Variants in GALNTL6 observed in about 807,000 individuals in gnomAD.
GALNTL6 encodes the protein polypeptide N-acetylgalactosaminyltransferase like 6, also known as polypeptide N-acetylgalactosaminyltransferase-like 6.
A neutral mutation model predicts 73.7 loss-of-function variants in GALNTL6; 46 were observed. The observed-to-expected ratio is 0.62, with a 90% CI of 0.49 to 0.80. The LOEUF is 0.80. Among genes scored for constraint, GALNTL6 ranks in the 30% least tolerant of loss-of-function variants. The pLI is 0.00. For synonymous variants in GALNTL6, 259 were observed against 263.7 expected, an observed-to-expected ratio of 0.98 and a Z score of 0.17; for missense variants, 604 against 755.0, an observed-to-expected ratio of 0.80 and a Z score of 2.34.
chr4:172,978,803 A>G (rs781624330), intron 10 of GALNTL6, among the ~76,000 whole-genome samples: 33 of 152,228 alleles, frequency 2.2e-4, no homozygotes, highest in Non-Finnish European at 4.3e-4. Flanking sequence ...ATAAACAGAA[A>G]ATGATCACTG....
intron 5 of GALNTL6, among the ~76,000 whole-genome samples, chr4:172,764,619 A>T (rs1738301111): frequency 6.6e-6 from 1 of 152,194 alleles, no homozygotes; most frequent in Non-Finnish European, 1.5e-5. Context: ...CAGTAAAATG[A>T]ATAAATGCTC....
chr4:172,449,273 T>C (rs187366041), intron 5 of GALNTL6, among the ~76,000 whole-genome samples: 1 of 152,206 alleles, frequency 6.6e-6, no homozygotes, highest in Non-Finnish European at 1.5e-5. Context: ...GTACTAAACA[T>C]GTCTTAGACC....
intron 5 of GALNTL6, among the ~76,000 whole-genome samples, chr4:172,564,108 G>C (rs530917102): frequency 4.6e-5 from 7 of 151,972 alleles, no homozygotes; most frequent in Non-Finnish European, 7.4e-5. Flanking sequence ...TTACCCTCTC[G>C]TGTCTTAAAG....
intron 7 of GALNTL6, among the ~76,000 whole-genome samples, chr4:172,833,603 C>T (rs1194862466): frequency 6.6e-6 from 1 of 152,154 alleles, no homozygotes; most frequent in African/African-American, 2.4e-5. Context: ...GCTGATTTGA[C>T]CAAATACCCA....
chr4:172,613,546 A>G (rs961991925), intron 5 of GALNTL6, among the ~76,000 whole-genome samples: 1 of 152,146 alleles, frequency 6.6e-6, no homozygotes, highest in Non-Finnish European at 1.5e-5. Flanking sequence ...GAAGGGAAGC[A>G]TAAGACATGA....
intron 2 of GALNTL6, among the ~76,000 whole-genome samples, chr4:171,995,822 G>A (rs940243772): frequency 1.3e-5 from 2 of 151,992 alleles, no homozygotes; most frequent in African/African-American, 4.8e-5. Flanking sequence ...GTTGGTAGTA[G>A]GATAACAACT....
chr4:171,829,091 G>C (rs963866962), intron 2 of GALNTL6, among the ~76,000 whole-genome samples: 1 of 152,152 alleles, frequency 6.6e-6, no homozygotes, highest in African/African-American at 2.4e-5. Flanking sequence ...TAAGTTGAAA[G>C]TTACATGCAG....
intron 7 of GALNTL6, among the ~76,000 whole-genome samples, chr4:172,853,025 C>G (rs78500793): frequency 0.095 from 14,463 of 152,250 alleles, 865 homozygotes; most frequent in Non-Finnish European, 0.14. Flanking sequence ...CCAATTTTCA[C>G]AAAATTAACG....
At chr4:172,746,047 GATA>G (rs144032687) in intron 5 of GALNTL6, among the ~76,000 whole-genome samples, 53,867 of 151,650 alleles carry the variant, frequency 0.36, 10,503 homozygotes, top group African/African-American at 0.51. Context: ...TTAAAATCAA[GATA>G]ATAAAATTAT....
chr4:172,620,161 T>C (rs975932644), intron 5 of GALNTL6, among the ~76,000 whole-genome samples: 1 of 152,210 alleles, frequency 6.6e-6, no homozygotes, highest in Non-Finnish European at 1.5e-5. Context: ...CTACATGATA[T>C]AGTAATGTAT....
chr4:172,154,536 G>A (rs138894738), intron 2 of GALNTL6, among the ~76,000 whole-genome samples: 1 of 152,178 alleles, frequency 6.6e-6, no homozygotes, highest in Admixed American at 6.5e-5. Context: ...CAGGCTCTTC[G>A]TTTTAAAACT....
chr4:172,641,751 T>C (rs2111123770), intron 5 of GALNTL6, among the ~76,000 whole-genome samples: 1 of 152,284 alleles, frequency 6.6e-6, no homozygotes, highest in South Asian at 2.1e-4. Context: ...TTTATTTTTA[T>C]TGTTTTTTTA....
At chr4:172,230,190 C>T (rs925489186) in intron 3 of GALNTL6, among the ~76,000 whole-genome samples, 2 of 152,006 alleles carry the variant, frequency 1.3e-5, no homozygotes, top group African/African-American at 4.8e-5. Flanking sequence ...TACAGCAAGC[C>T]AGCAGGTCAA....
chr4:171,825,989 C>T (rs1051654340), intron 2 of GALNTL6, among the ~76,000 whole-genome samples: 4 of 152,222 alleles, frequency 2.6e-5, no homozygotes, highest in South Asian at 2.1e-4. Flanking sequence ...TTCCAAACTA[C>T]GCAACCAGAA....
At chr4:172,702,121 T>A (rs542911657) in intron 5 of GALNTL6, among the ~76,000 whole-genome samples, 1 of 152,190 alleles carries the variant, frequency 6.6e-6, no homozygotes, top group South Asian at 2.1e-4. Context: ...CCTGAACTAC[T>A]TTTGTAAGTC....
chr4:172,779,936 A>G lies in GALNTL6; in HGVS notation c.554-29425A>G, dbSNP rs77317469. Among the ~76,000 whole-genome samples the G allele has an allele frequency of 8.9e-3, 1,348 of 152,262 alleles. 23 individuals carry two copies. Among genetic ancestry groups the G allele is most frequent in the African/African-American group, 0.031 (1,271 of 41,550 alleles). On this transcript the variant is annotated intron_variant, in intron 5 of 12. Coordinates refer to ENST00000506823, the MANE Select transcript of GALNTL6 (RefSeq NM_001034845.3). ...GGAGGGAAGGAAATGTGGGAGACAT[A>G]TATCTAATTAAAAAGTATTCGTTCC...
chr4:172,617,151 G>A (rs942488910), intron 5 of GALNTL6, among the ~76,000 whole-genome samples: 2 of 151,920 alleles, frequency 1.3e-5, no homozygotes, highest in African/African-American at 4.8e-5. Context: ...GTTTGTGTGT[G>A]TGCGTAATTA....
chr4:172,579,835 AGGG>A (rs1381343767), intron 5 of GALNTL6, among the ~76,000 whole-genome samples: 3 of 132,476 alleles, frequency 2.3e-5, no homozygotes, highest in Non-Finnish European at 3.2e-5. Context: ...GGAAGGAAGG[AGGG>A]AAGGAAGGAA....
chr4:172,289,872 CTT>C (rs1739403195), intron 3 of GALNTL6, among the ~76,000 whole-genome samples: 1 of 152,256 alleles, frequency 6.6e-6, no homozygotes, highest in East Asian at 1.9e-4. Context: ...TGGAAAGAGA[CTT>C]AAGCTATTCT....
Sources: gnomAD v4.1 joint callset for allele counts (sites outside exome capture counted in the v4.1 genomes callset) on GRCh38, gnomAD v4.1.1 for gene constraint, MANE v1.5 for transcripts, NCBI Gene and HGNC (gene_info 2026-07-23, HGNC 2026-07-21) for gene names.